Variants in LRRIQ1 observed in about 807,000 individuals in gnomAD.
LRRIQ1 encodes leucine-rich repeat- and IQ domain-containing protein 1.
A neutral mutation model predicts 211.9 loss-of-function variants in LRRIQ1; 210 were observed. The observed-to-expected ratio is 0.99, with a 90% CI of 0.89 to 1.11. LRRIQ1 has a LOEUF of 1.11. LRRIQ1 is among the 50% of genes most tolerant of loss of function. The pLI is 0.00. For synonymous variants in LRRIQ1, 699 were observed against 650.1 expected, an observed-to-expected ratio of 1.08 and a Z score of -1.14; for missense variants, 2,136 against 1,939.5, an observed-to-expected ratio of 1.10 and a Z score of -1.90.
intron 24 of LRRIQ1, among the ~76,000 whole-genome samples, chr12:85,197,967 TAA>T (rs539222084): frequency 6.6e-5 from 7 of 106,192 alleles, no homozygotes; most frequent in Non-Finnish European, 1.1e-4. Flanking sequence ...ATATTATATA[TAA>T]ATATATATAA....
At chr12:85,200,017 T>A (rs187645032) in intron 24 of LRRIQ1, among the ~76,000 whole-genome samples, 2 of 152,250 alleles carry the variant, frequency 1.3e-5, no homozygotes, top group East Asian at 3.9e-4. Context: ...ATATCATTGG[T>A]AGTTTGATAG....
chr12:85,240,833 G>A (rs1041417811), intron 26 of LRRIQ1, among the ~76,000 whole-genome samples: 13 of 151,982 alleles, frequency 8.6e-5, no homozygotes, highest in African/African-American at 2.4e-4. Flanking sequence ...TAGAGAAAAC[G>A]TGATTAGTTG....
At chr12:85,258,543 A>T (rs1896190663) in intron 1 of LRRIQ1, among the ~76,000 whole-genome samples, 1 of 151,902 alleles carries the variant, frequency 6.6e-6, no homozygotes, top group Admixed American at 6.6e-5. Context: ...TTCACTATAA[A>T]TGATTATTAT....
intron 19 of LRRIQ1, among the ~76,000 whole-genome samples, chr12:85,147,065 C>T (rs757949027): frequency 3.3e-5 from 5 of 151,864 alleles, no homozygotes; most frequent in South Asian, 4.1e-4. Context: ...TAGAGGTAGG[C>T]GCAGACTATC....
chr12:85,208,924 T>A (rs1271781473), intron 24 of LRRIQ1, among the ~76,000 whole-genome samples: 1 of 152,174 alleles, frequency 6.6e-6, no homozygotes, highest in East Asian at 1.9e-4. Context: ...CTTCTGGTGC[T>A]GTTACTCAAA....
intron 8 of LRRIQ1, among the ~76,000 whole-genome samples, chr12:85,059,624 A>G (rs1881545058): frequency 6.6e-6 from 1 of 152,004 alleles, no homozygotes; most frequent in African/African-American, 2.4e-5. Context: ...TTCTACGCTA[A>G]ACTATCTCTT....
chr12:85,196,121 G>T (rs1892893795), intron 24 of LRRIQ1, among the ~76,000 whole-genome samples: 1 of 152,086 alleles, frequency 6.6e-6, no homozygotes, highest in Non-Finnish European at 1.5e-5. Context: ...ACTTACAAGG[G>T]ATGTGAAGGA....
rs1555207709 is a variant in LRRIQ1 at position 85,102,953 on chromosome 12, A to ATATATATATAT, written c.3210-1051_3210-1050insTATATATATAT. On this transcript the variant is annotated intron_variant, in intron 13 of 26. Transcript: ENST00000393217. The stretch of plus-strand genomic sequence containing the variant: ...GCTTTTCTAATTGTGGCAAAAAAAA[A>ATATATATATAT]AAAAAAATATATATATATATATATA... 1.4e-3 allele frequency among the ~76,000 whole-genome samples: 161 copies of ATATATATATAT among 118,698 alleles called. 2 individuals are homozygous for ATATATATATAT. The highest frequency in any genetic ancestry group is 4.8e-3 in the African/African-American group (135 of 28,386). The allele number at this position is 118,698 out of a possible 152,430, so 77.9% of individuals were successfully genotyped here.
chr12:85,192,459 A>G (rs1409054167), intron 24 of LRRIQ1, among the ~76,000 whole-genome samples: 4 of 120,878 alleles, frequency 3.3e-5, no homozygotes, highest in Non-Finnish European at 5.0e-5. Context: ...TAGTTATATA[A>G]TATAATTATA....
intron 7 of LRRIQ1, 39 bp downstream of exon 7, chr12:85,052,290 C>T: frequency 9.4e-7 from 1 of 1,062,542 alleles, no homozygotes; most frequent in Non-Finnish European, 1.4e-6. Flanking sequence ...ATTAAGCTTT[C>T]TTTATTTGAA....
At chr12:85,222,767 T>A (rs1408746477) in intron 24 of LRRIQ1, among the ~76,000 whole-genome samples, 1 of 152,066 alleles carries the variant, frequency 6.6e-6, no homozygotes, top group African/African-American at 2.4e-5. Context: ...ATGGAAGGAT[T>A]GGGATCTGGT....
At chr12:85,040,448 A>G (rs1878734270) in intron 2 of LRRIQ1, 42 bp from the exon 3 acceptor site, 8 of 1,231,958 alleles carry the variant, frequency 6.5e-6, no homozygotes, top group Non-Finnish European at 7.9e-6. Context: ...TAATTTTGAT[A>G]ATAAACACTT....
At chr12:85,047,640 T>G in intron 6 of LRRIQ1, 170 bp downstream of exon 6, 1 of 555,762 alleles carries the variant, frequency 1.8e-6, no homozygotes, top group Non-Finnish European at 3.2e-6. Flanking sequence ...GGTCCTTGAT[T>G]AGTTTTTATT....
chr12:85,254,852 C>G (rs865779694), intron 1 of LRRIQ1, among the ~76,000 whole-genome samples: 4 of 151,826 alleles, frequency 2.6e-5, no homozygotes, highest in African/African-American at 7.2e-5. Flanking sequence ...TGAATAACTC[C>G]AGAACTTCTG....
At chr12:85,085,820 T>G (rs575668205) in intron 11 of LRRIQ1, among the ~76,000 whole-genome samples, 24 of 152,342 alleles carry the variant, frequency 1.6e-4, no homozygotes, top group African/African-American at 4.8e-4. Flanking sequence ...GTACTACATT[T>G]TCTTTATCCA....
chr12:85,161,022 CAGAT>C (rs1890843592), intron 24 of LRRIQ1, among the ~76,000 whole-genome samples: 1 of 151,850 alleles, frequency 6.6e-6, no homozygotes, highest in South Asian at 2.1e-4. Context: ...TTTACAGTGA[CAGAT>C]ATATTAACTT....
Position 85,167,314 on chromosome 12 carries a change from G to A in LRRIQ1, c.4822+6600G>A, listed in dbSNP as rs143789272. 4.1e-4 allele frequency among the ~76,000 whole-genome samples: 62 copies of A among 152,280 alleles called. 1 individual carries two copies. The highest frequency in any genetic ancestry group is 1.3e-3 in the African/African-American group (56 of 41,556). On this transcript the variant is annotated intron_variant, in intron 24 of 26. Coordinates refer to ENST00000393217, the MANE Select transcript of LRRIQ1 (RefSeq NM_001079910.2). ...ATATATAAAGGGAATTTATTAAAAA[G>A]TATTGACTAACACGATCACAGAGTG...
chr12:85,072,677 A>T (rs904644158), intron 10 of LRRIQ1, among the ~76,000 whole-genome samples: 12 of 150,904 alleles, frequency 8.0e-5, no homozygotes, highest in African/African-American at 2.4e-4. Context: ...TGCCTTTGAA[A>T]CTAAATTCTA....
chr12:85,149,334 G>T (rs1331784218), intron 19 of LRRIQ1, among the ~76,000 whole-genome samples: 2 of 151,874 alleles, frequency 1.3e-5, no homozygotes, highest in Non-Finnish European at 2.9e-5. Context: ...TGTATAAGGT[G>T]TAAGGAAGTT....
Sources: allele counts gnomAD v4.1 joint callset (sites outside exome capture counted in the v4.1 genomes callset), GRCh38; gene constraint gnomAD v4.1.1; transcripts MANE v1.5; gene names NCBI Gene and HGNC (gene_info 2026-07-23, HGNC 2026-07-21).